Variants in ZNF624 observed in about 807,000 individuals in gnomAD.
ZNF624 encodes the protein zinc finger protein 624.
In ZNF624, 43 loss-of-function variants were observed where a neutral mutation model predicts 74.7. That is an observed-to-expected ratio of 0.58 (90% confidence interval 0.45 to 0.74). The LOEUF is 0.74. ZNF624 is among the 30% of genes least tolerant of loss of function. The pLI is 0.00. For missense variants in ZNF624, 820 were observed against 1,030.0 expected, an observed-to-expected ratio of 0.80 and a Z score of 2.79; for synonymous variants, 331 against 341.3, an observed-to-expected ratio of 0.97 and a Z score of 0.33.
intron 3 of ZNF624, among the ~76,000 whole-genome samples, chr17:16,645,573 T>C (rs1012188018): frequency 4.6e-5 from 7 of 151,408 alleles, no homozygotes; most frequent in Non-Finnish European, 8.8e-5. Context: ...CTAAAAAACA[T>C]GTACCTGTAA....
chr17:16,642,386 G>T (rs763006336), intron 3 of ZNF624, among the ~76,000 whole-genome samples: 1 of 152,132 alleles, frequency 6.6e-6, no homozygotes, highest in Non-Finnish European at 1.5e-5. Context: ...ATGGTCAGTT[G>T]ATTTTTAATA....
chr17:16,634,502 G>A (rs1909279728), intron 4 of ZNF624, 128 bp downstream of exon 4: 1 of 953,590 alleles, frequency 1.0e-6, no homozygotes, highest in South Asian at 1.8e-5. Flanking sequence ...TAAGAGTGAG[G>A]AATAGCATAA....
At position 16,639,930 on chromosome 17, in the gene ZNF624, A is replaced by T. The variant is rs913952991; in HGVS notation, c.154-5174T>A. Among the ~76,000 whole-genome samples the T allele has an allele frequency of 4.6e-5, 7 of 152,240 alleles. No individual in the cohort carries two copies. In the East Asian group the frequency reaches 1.3e-3, roughly 29 times the overall value. On this transcript the variant is annotated intron_variant, in intron 3 of 5. Transcript: ENST00000311331. ...AAGAAACACGAAAGCATGGACCCAT[A>T]CACAGTAAAAAATAAAGCATCAATG...
chr17:16,633,342 G>C (rs1862525877), intron 5 of ZNF624, among the ~76,000 whole-genome samples: 1 of 152,156 alleles, frequency 6.6e-6, no homozygotes, highest in African/African-American at 2.4e-5. Flanking sequence ...ATTCTCAACT[G>C]CTTCCTTGTT....
chr17:16,616,672 C>T (rs1908798020), downstream of ZNF624, among the ~76,000 whole-genome samples: 1 of 152,172 alleles, frequency 6.6e-6, no homozygotes, highest in Non-Finnish European at 1.5e-5. Context: ...GTCTTCATGC[C>T]ACCATTTCCT....
chr17:16,637,813 A>G (rs573903367), intron 3 of ZNF624, among the ~76,000 whole-genome samples: 30 of 152,330 alleles, frequency 2.0e-4, no homozygotes, highest in Admixed American at 7.2e-4. Context: ...ATGGGCAAGG[A>G]CTTCATGTCT....
At chr17:16,617,697 C>T, downstream of ZNF624, 3 of 1,604,874 alleles carry the variant, frequency 1.9e-6, no homozygotes, top group Non-Finnish European at 2.6e-6. Context: ...CACGCGCTCG[C>T]CGCAGAGCTC....
chr17:16,614,517 A>G, the ZNF624 span, among the ~76,000 whole-genome samples: 1 of 152,210 alleles, frequency 6.6e-6, no homozygotes, highest in Non-Finnish European at 1.5e-5. Flanking sequence ...ATGTCTATCA[A>G]ATCATTGACT....
At chr17:16,616,891 C>T (rs779938775), downstream of ZNF624, 422 of 1,458,288 alleles carry the variant, frequency 2.9e-4, no homozygotes, top group Non-Finnish European at 3.7e-4. Context: ...TGACTTTGAG[C>T]GAGATCTAGA....
chr17:16,641,864 A>G (rs1049970105), intron 3 of ZNF624, among the ~76,000 whole-genome samples: 5 of 152,244 alleles, frequency 3.3e-5, no homozygotes, highest in Non-Finnish European at 7.3e-5. Flanking sequence ...TACACTATCA[A>G]TAACTATTTC....
In ZNF624 at chr17:16,647,368, T is replaced by G. The variant is rs773816322; in HGVS notation, c.114A>C (p.Glu38Asp). The G allele has an allele frequency of 6.2e-7, 1 of 1,614,062 alleles. No individual in the cohort carries two copies. The highest frequency in any genetic ancestry group is 2.2e-5 in the East Asian group (1 of 44,894). Residue 38 changes from glutamate (E) to aspartate (D), a missense_variant, in exon 3 of 6, where the codon GAA (glutamate) becomes GAC (aspartate). Coordinates refer to ENST00000311331, the MANE Select transcript of ZNF624 (RefSeq NM_020787.4). ...TTTCTTCTGCCTGAAGGTGAAGATC[T>G]TCATCTGGCTGGGTAACTTCAGGGC... ...RLSPEVTQPD[E>D]DLHLQAEETQ...
chr17:16,624,516 C>A lies in ZNF624; in HGVS notation c.377-7G>T. ...GCAGGTTTGGGCTCCATGTCTGGGG[C>A]AAAAAAGAGAAAAATCAAGTAATTC... On this transcript the variant is annotated splice_polypyrimidine_tract_variant and splice_region_variant and intron_variant, in intron 5 of 5. Coordinates refer to ENST00000311331, the MANE Select transcript of ZNF624 (RefSeq NM_020787.4). 3 of 1,542,528 alleles carry A rather than the reference C, an allele frequency of 1.9e-6. No homozygotes were observed. The highest frequency in any genetic ancestry group is 1.4e-5 in the African/African-American group (1 of 71,822).
chr17:16,631,976 G>A (rs983053637), intron 5 of ZNF624, among the ~76,000 whole-genome samples: 19 of 152,216 alleles, frequency 1.2e-4, no homozygotes, highest in African/African-American at 4.6e-4. Flanking sequence ...AGTACTAAAG[G>A]CATAGAGGCT....
downstream of ZNF624, chr17:16,617,885 C>T (rs1259782848): frequency 1.3e-6 from 2 of 1,578,374 alleles, no homozygotes; most frequent in Non-Finnish European, 1.7e-6. Context: ...GCGGCATGTC[C>T]GTGGCGGGCG....
At position 16,624,345 on chromosome 17, in the gene ZNF624, T is replaced by A. The variant is rs1302922996; in HGVS notation, c.541A>T (p.Asn181Tyr). Residue 181 changes from asparagine (N) to tyrosine (Y), a missense_variant, in exon 6 of 6, where the codon AAT becomes TAT. Transcript: ENST00000311331. Reference protein sequence around the residue: ...WNDRILRLQNNQENHLSQRII... With the variant: ...WNDRILRLQNYQENHLSQRII... Reference sequence around the variant, plus strand: ...CTTTGACTCAAATGATTCTCCTGATTATTTTGTAATCTCAATATCCTATCA... The same window carrying A: ...CTTTGACTCAAATGATTCTCCTGATAATTTTGTAATCTCAATATCCTATCA... 3.7e-6 allele frequency: 6 copies of A among 1,613,666 alleles called. No homozygotes were observed. In the African/African-American group the frequency reaches 8.0e-5, roughly 22 times the overall value.
intron 5 of ZNF624, among the ~76,000 whole-genome samples, chr17:16,633,409 C>T (rs1179353766): frequency 6.6e-6 from 1 of 152,166 alleles, no homozygotes; most frequent in Non-Finnish European, 1.5e-5. Flanking sequence ...TCCAAAGTTT[C>T]TGTAGCCTTG....
chr17:16,623,035 G>A lies in ZNF624; in HGVS notation c.1851C>T (p.Cys617=), dbSNP rs767446176. The A allele has an allele frequency of 1.1e-5, 17 of 1,613,430 alleles. No homozygotes were observed. Among genetic ancestry groups the A allele is most frequent in the African/African-American group, 9.4e-5 (7 of 74,816 alleles). ...TTACCATTTTGGTGAATGCCCTCTC[G>A]CAGTCAGTACATTTATATGGTTTCT... ...TGEKPYKCTD[C]ERAFTKMVNL... is the part of the protein sequence containing the mutation. The change falls in exon 6 of 6, where the codon TGC becomes TGT. Residue 617 remains cysteine, a synonymous_variant. Coordinates refer to ENST00000311331, the MANE Select transcript of ZNF624 (RefSeq NM_020787.4). The surrounding 1 kb of genome is among the most constrained non-coding windows in gnomAD (Gnocchi z 5.3).
chr17:16,619,280 AT>A, downstream of ZNF624, among the ~76,000 whole-genome samples: 1 of 152,354 alleles, frequency 6.6e-6, no homozygotes. Context: ...ATGTAGAAAA[AT>A]ATCTTTATGA....
At chr17:16,652,498 C>T (rs1054964595) in intron 1 of ZNF624, among the ~76,000 whole-genome samples, 6 of 151,216 alleles carry the variant, frequency 4.0e-5, no homozygotes, top group Non-Finnish European at 5.9e-5. Context: ...TTTGGCAATA[C>T]TTTATGTAGA....
Sources: gnomAD v4.1 joint callset for allele counts (sites outside exome capture counted in the v4.1 genomes callset) on GRCh38, gnomAD v4.1.1 for gene constraint, Gnocchi (gnomAD v3.1) non-coding constraint, MANE v1.5 for transcripts, NCBI Gene and HGNC (gene_info 2026-07-23, HGNC 2026-07-21) for gene names.